The following ACER1 variants were observed in gnomAD, a reference collection of about 807,000 sequenced individuals.
The protein encoded by ACER1 is CTB-180A7.3.
ACER1 carries 28 observed loss-of-function variants against 24.9 expected under a neutral mutation model. That is an observed-to-expected ratio of 1.13 (90% CI 0.83 to 1.54). ACER1 has a LOEUF of 1.54. ACER1 is among the 40% of genes most tolerant of loss of function. The pLI, the probability that ACER1 is intolerant of heterozygous loss-of-function variation, is 0.00. For missense variants in ACER1, 352 were observed against 349.3 expected (o/e 1.01, Z -0.06); for synonymous variants, 132 against 131.4 (o/e 1.00, Z -0.03).
At position 6,317,431 on chromosome 19, in the gene ACER1, G is replaced by A. The variant is rs560805538; in HGVS notation, c.94-4932C>T. ...AGTGGTCCAAGGACAGATGGGACAGGGGCCATGCCAACGCCTCCATGCGCC... is the reference window on the plus strand; with the variant it reads ...AGTGGTCCAAGGACAGATGGGACAGAGGCCATGCCAACGCCTCCATGCGCC... On this transcript the variant is annotated intron_variant, in intron 1 of 5. Coordinates refer to ENST00000301452, the MANE Select transcript of ACER1 (RefSeq NM_133492.3). Among the ~76,000 whole-genome samples the A allele has an allele frequency of 7.9e-5, 12 of 152,310 alleles. No individual in the cohort carries two copies. The South Asian group carries it at 1.9e-3, about 24-fold the overall frequency.
the ACER1 span, among the ~76,000 whole-genome samples, chr19:6,339,911 C>T: frequency 9.2e-5 from 14 of 151,822 alleles, no homozygotes; most frequent in East Asian, 7.9e-4. Flanking sequence ...ATGATCCGCC[C>T]GCCTCAGCCT....
the ACER1 span, among the ~76,000 whole-genome samples, chr19:6,348,241 G>C: frequency 6.6e-6 from 1 of 151,762 alleles, no homozygotes; most frequent in African/African-American, 2.4e-5. Flanking sequence ...GAGGCGGGTG[G>C]ATCACCTAAG....
the ACER1 span, among the ~76,000 whole-genome samples, chr19:6,351,725 G>A: frequency 6.7e-6 from 1 of 148,530 alleles, no homozygotes; most frequent in Non-Finnish European, 1.5e-5. Flanking sequence ...AGAGTGAGAT[G>A]CTGTCTCCAA....
the ACER1 span, among the ~76,000 whole-genome samples, chr19:6,356,469 A>T: frequency 1.3e-4 from 18 of 137,156 alleles, 2 homozygotes; most frequent in African/African-American, 2.1e-4. Context: ...AATGATCAAT[A>T]AAAAAATAAA....
At chr19:6,333,326 G>T in intron 1 of ACER1, 133 bp downstream of exon 1, 2 of 651,362 alleles carry the variant, frequency 3.1e-6, no homozygotes, top group Non-Finnish European at 5.0e-6. Context: ...GGCACTCTTT[G>T]GCTAACAGAT....
At chr19:6,358,826 G>C in the ACER1 span, among the ~76,000 whole-genome samples, 1 of 151,040 alleles carries the variant, frequency 6.6e-6, no homozygotes, top group Non-Finnish European at 1.5e-5. Context: ...CCAGCTACTC[G>C]GGAGGCTAAG....
intron 1 of ACER1, among the ~76,000 whole-genome samples, chr19:6,329,356 TATAGAATAGAATAGA>T (rs57029699): frequency 2.8e-4 from 38 of 134,034 alleles, no homozygotes; most frequent in East Asian, 1.2e-3. Context: ...GGCTTTTTGA[TATAGAATAGAATAGA>T]ATAGAATAGA....
chr19:6,324,860 A>AAGGAAGGAAGG (rs2091651831), intron 1 of ACER1, among the ~76,000 whole-genome samples: 2 of 100,288 alleles, frequency 2.0e-5, no homozygotes, highest in Non-Finnish European at 4.1e-5. Context: ...AGAGAGAGAG[A>AAGGAAGGAAGG]AAGGAAGGAA....
chr19:6,308,509 G>A (rs1392298604), intron 4 of ACER1, among the ~76,000 whole-genome samples: 2 of 152,004 alleles, frequency 1.3e-5, no homozygotes, highest in Non-Finnish European at 2.9e-5. Context: ...TGAGGCACAG[G>A]GATTGCACTA....
chr19:6,307,484 G>T (rs2091557971), intron 4 of ACER1, among the ~76,000 whole-genome samples, 194 bp from the exon 5 acceptor site: 2 of 151,994 alleles, frequency 1.3e-5, no homozygotes. Flanking sequence ...AACAGGTGCA[G>T]TTCCAAATGT....
chr19:6,328,496 CAAAA>C (rs1013111916), intron 1 of ACER1, among the ~76,000 whole-genome samples: 121 of 41,234 alleles, frequency 2.9e-3, no homozygotes, highest in African/African-American at 7.3e-3. Context: ...GACTCCATCT[CAAAA>C]AAAAAAAAAA....
intron 4 of ACER1, among the ~76,000 whole-genome samples, chr19:6,307,929 A>T (rs2091559891): frequency 6.6e-6 from 1 of 150,902 alleles, no homozygotes; most frequent in African/African-American, 2.4e-5. Flanking sequence ...TCTACTAAAA[A>T]TACAAAAAAA....
chr19:6,318,714 A>G, intron 1 of ACER1, among the ~76,000 whole-genome samples: 1 of 150,838 alleles, frequency 6.6e-6, no homozygotes, highest in Non-Finnish European at 1.5e-5. Context: ...TGAACCCGGG[A>G]GGCGGAGGTT....
At chr19:6,316,968 CTTTT>C (rs71174911) in intron 1 of ACER1, among the ~76,000 whole-genome samples, 4 of 117,234 alleles carry the variant, frequency 3.4e-5, no homozygotes, top group South Asian at 3.0e-4. Context: ...CCCTCCCCAT[CTTTT>C]TTTTTTTTTT....
At chr19:6,307,392 G>A in intron 4 of ACER1, 102 bp from the exon 5 acceptor site, 5 of 1,391,068 alleles carry the variant, frequency 3.6e-6, no homozygotes, top group East Asian at 2.3e-5. Context: ...CAGAGGTTGG[G>A]AGAAGGGAAA....
Position 6,333,601 on chromosome 19 carries a change from G to T in ACER1, c.-50C>A. The stretch of plus-strand genomic sequence containing the variant: ...CGGCTGCGCCCGGCAGAGAGAAGGC[G>T]AGCTTGGGAAGGCTGGGCCCTGATG... On this transcript the variant is annotated 5_prime_UTR_variant, in exon 1 of 6. Transcript: ENST00000301452. The T allele has an allele frequency of 1.3e-6, 2 of 1,497,846 alleles. No homozygotes were observed. The highest frequency in any genetic ancestry group is 1.2e-5 in the South Asian group (1 of 82,036). 92.8% of individuals were successfully genotyped at this position (1,497,846 alleles called of 1,614,324 possible).
At chr19:6,331,687 G>A (rs186066015) in intron 1 of ACER1, among the ~76,000 whole-genome samples, 41 of 151,746 alleles carry the variant, frequency 2.7e-4, no homozygotes, top group Non-Finnish European at 5.3e-4. Context: ...CCAACTACTC[G>A]GGAAGCTGAG....
intron 1 of ACER1, among the ~76,000 whole-genome samples, chr19:6,312,967 C>A (rs764252356): frequency 4.6e-5 from 7 of 151,980 alleles, no homozygotes; most frequent in Non-Finnish European, 8.8e-5. Flanking sequence ...TGTGAGCCAC[C>A]GCACCTAGCC....
At chr19:6,348,978 C>T in the ACER1 span, among the ~76,000 whole-genome samples, 2 of 151,858 alleles carry the variant, frequency 1.3e-5, no homozygotes, top group Non-Finnish European at 2.9e-5. Flanking sequence ...ATTGCTTGAA[C>T]CCAGGAGGCG....
Sources: allele counts gnomAD v4.1 joint callset (sites outside exome capture counted in the v4.1 genomes callset), GRCh38; gene constraint gnomAD v4.1.1; transcripts MANE v1.5; gene names NCBI Gene and HGNC (gene_info 2026-07-23, HGNC 2026-07-21).